Variants in EPB41L4B observed in about 807,000 individuals in gnomAD.
EPB41L4B encodes erythrocyte membrane protein band 4.1 like 4B, also known as band 4.1-like protein 4B.
In EPB41L4B, 30 loss-of-function variants were observed where a neutral mutation model predicts 112.5. The observed-to-expected ratio is 0.27, with a 90% CI of 0.20 to 0.36. The LOEUF is 0.36. Among genes scored for constraint, EPB41L4B ranks in the 10% least tolerant of loss-of-function variants. The probability of loss-of-function intolerance (pLI) is 1.00; values close to 1 mark genes in which losing one functional copy is unlikely to be tolerated. For missense variants in EPB41L4B, 1,024 were observed against 1,133.3 expected (o/e 0.90, Z 1.38); for synonymous variants, 408 against 439.7 (o/e 0.93, Z 0.90).
chr9:109,195,496 T>G (rs1832610441), intron 20 of EPB41L4B, among the ~76,000 whole-genome samples: 1 of 152,174 alleles, frequency 6.6e-6, no homozygotes, highest in East Asian at 1.9e-4. Flanking sequence ...ATGGAAAAAT[T>G]AATAATACAC....
intron 20 of EPB41L4B, among the ~76,000 whole-genome samples, chr9:109,194,618 TTTTGTTGGTAAAATATATACAATATAATA>T (rs1473744217): frequency 6.7e-6 from 1 of 149,522 alleles, no homozygotes; most frequent in African/African-American, 2.6e-5. Flanking sequence ...TGTTGTTTTG[TTTTGTTGGTAAAATATATACAATATAATA>T]TTTATCATTT....
chr9:109,242,190 A>C (rs1834375037), intron 15 of EPB41L4B, among the ~76,000 whole-genome samples: 2 of 152,240 alleles, frequency 1.3e-5, no homozygotes. Context: ...TTGGACTAAC[A>C]AACTCTGTTT....
intron 1 of EPB41L4B, among the ~76,000 whole-genome samples, chr9:109,282,760 G>C (rs535097079): frequency 1.3e-5 from 2 of 152,108 alleles, no homozygotes; most frequent in South Asian, 4.2e-4. Context: ...GTGCAATCTT[G>C]ACTCACTGCA....
At chr9:109,240,756 C>A in intron 15 of EPB41L4B, 1 of 985,422 alleles carries the variant, frequency 1.0e-6, no homozygotes. Flanking sequence ...CTTGATTGCA[C>A]GTTGCTTTTT....
chr9:109,233,348 T>C (rs1834017954), intron 15 of EPB41L4B, among the ~76,000 whole-genome samples: 1 of 152,166 alleles, frequency 6.6e-6, no homozygotes, highest in African/African-American at 2.4e-5. Context: ...ATTCATGATG[T>C]CTGGGTGGGT....
chr9:109,246,102 A>G (rs1277671558), intron 14 of EPB41L4B, among the ~76,000 whole-genome samples: 2 of 152,224 alleles, frequency 1.3e-5, no homozygotes, highest in African/African-American at 4.8e-5. Context: ...TCAGTGAATA[A>G]CAAGATTCAA....
intron 1 of EPB41L4B, among the ~76,000 whole-genome samples, chr9:109,284,364 C>A (rs913374700): frequency 2.0e-5 from 3 of 152,192 alleles, no homozygotes; most frequent in African/African-American, 7.2e-5. Flanking sequence ...AAATTGGAAA[C>A]CATCTATATT....
intron 2 of EPB41L4B, among the ~76,000 whole-genome samples, chr9:109,277,520 G>A (rs1178275102): frequency 6.6e-6 from 1 of 152,152 alleles, no homozygotes; most frequent in Non-Finnish European, 1.5e-5. Context: ...GGGCTACTGA[G>A]GCTCAGGGAG....
Position 109,292,909 on chromosome 9 carries a change from C to T in EPB41L4B, c.307-12988G>A, listed in dbSNP as rs112361952. Among the ~76,000 whole-genome samples the T allele has an allele frequency of 7.2e-5, 11 of 152,322 alleles. 1 individual carries two copies. The highest frequency in any genetic ancestry group is 2.6e-4 in the African/African-American group (11 of 41,566). ...ACGTCTAACTACCCTGAGACTGCCA[C>T]GTTTAAGAGGCCACAAGCACGTGTG... On this transcript the variant is annotated intron_variant, in intron 1 of 25. Transcript: ENST00000374566.
chr9:109,278,470 T>A (rs181985323), intron 2 of EPB41L4B, among the ~76,000 whole-genome samples: 2 of 152,274 alleles, frequency 1.3e-5, no homozygotes, highest in East Asian at 3.9e-4. Flanking sequence ...GCAGACCTAA[T>A]TCCCAGGTAC....
chr9:109,216,800 A>G, intron 16 of EPB41L4B, 122 bp downstream of exon 16: 1 of 1,017,744 alleles, frequency 9.8e-7, no homozygotes, highest in Non-Finnish European at 1.5e-6. Flanking sequence ...CCGGTAGCCC[A>G]GCATAACATG....
chr9:109,246,771 C>T (rs1300010386), intron 14 of EPB41L4B, among the ~76,000 whole-genome samples: 1 of 152,242 alleles, frequency 6.6e-6, no homozygotes, highest in African/African-American at 2.4e-5. Context: ...GCAGGCGGCA[C>T]AGGCCCTGGT....
intron 18 of EPB41L4B, among the ~76,000 whole-genome samples, chr9:109,204,706 A>G (rs1832939082): frequency 6.6e-6 from 1 of 152,150 alleles, no homozygotes; most frequent in African/African-American, 2.4e-5. Flanking sequence ...CATGTTGCCC[A>G]GGCTGGTCTT....
chr9:109,275,683 G>A (rs1401151179), intron 2 of EPB41L4B, among the ~76,000 whole-genome samples: 1 of 152,074 alleles, frequency 6.6e-6, no homozygotes, highest in Non-Finnish European at 1.5e-5. Flanking sequence ...AATTCTCTGA[G>A]CTCCTCAAAT....
chr9:109,268,448 A>G lies in EPB41L4B; in HGVS notation c.412-15T>C. ...TCCAGCCAGTGCTGAAAGAAAGAAA[A>G]AAAGTTTCTTTAGGAATAGTTCATC... is the stretch of plus-strand genomic sequence containing the variant. On this transcript the variant is annotated splice_polypyrimidine_tract_variant and intron_variant, in intron 2 of 25. Transcript: ENST00000374566. 6.2e-7 allele frequency: 1 copy of G among 1,605,348 alleles called. No individual in the cohort carries two copies. Among genetic ancestry groups the G allele is most frequent in the East Asian group, 2.2e-5 (1 of 44,768 alleles).
At chr9:109,184,114 T>C (rs1832169594) in intron 23 of EPB41L4B, among the ~76,000 whole-genome samples, 1 of 152,266 alleles carries the variant, frequency 6.6e-6, no homozygotes, top group Admixed American at 6.5e-5. Flanking sequence ...TACATTCTCC[T>C]CTTGTTGCCT....
intron 22 of EPB41L4B, among the ~76,000 whole-genome samples, chr9:109,189,188 C>T (rs924692128): frequency 1.3e-5 from 2 of 152,102 alleles, no homozygotes; most frequent in African/African-American, 2.4e-5. Flanking sequence ...GATCTGATTA[C>T]GAACTCTGAT....
intron 1 of EPB41L4B, among the ~76,000 whole-genome samples, chr9:109,314,637 C>T (rs10979821): frequency 2.3e-5 from 3 of 128,434 alleles, no homozygotes; most frequent in African/African-American, 3.5e-5. Flanking sequence ...CTCTCTCACC[C>T]CCCCCCACCT....
At chr9:109,298,058 GAA>G (rs962210967) in intron 1 of EPB41L4B, among the ~76,000 whole-genome samples, 1 of 147,198 alleles carries the variant, frequency 6.8e-6, no homozygotes, top group Admixed American at 6.7e-5. Flanking sequence ...GTAGTCTTAA[GAA>G]AAAAAAAAGT....
Sources: allele counts gnomAD v4.1 joint callset (sites outside exome capture counted in the v4.1 genomes callset), GRCh38; gene constraint gnomAD v4.1.1; transcripts MANE v1.5; gene names NCBI Gene and HGNC (gene_info 2026-07-23, HGNC 2026-07-21).